Variants in PRRC1 observed in about 807,000 individuals in gnomAD.
The protein encoded by PRRC1 is protein PRRC1.
In PRRC1, 39 loss-of-function variants were observed where a neutral mutation model predicts 40.7. That is an observed-to-expected ratio of 0.96 (90% CI 0.74 to 1.25). PRRC1 has a LOEUF of 1.25. Among genes scored for constraint, PRRC1 ranks in the 50% most tolerant of loss-of-function variants. The pLI is 0.00. For synonymous variants in PRRC1, 175 were observed against 193.3 expected, an observed-to-expected ratio of 0.91 and a Z score of 0.79; for missense variants, 573 against 548.3, an observed-to-expected ratio of 1.05 and a Z score of -0.45.
At chr5:127,544,204 G>A (rs1313922199) in intron 7 of PRRC1, among the ~76,000 whole-genome samples, 2 of 152,196 alleles carry the variant, frequency 1.3e-5, no homozygotes, top group Admixed American at 6.5e-5. Context: ...CGTGAACCGC[G>A]AATGCTGCTG....
chr5:127,519,255 C>A (rs1333130655), intron 1 of PRRC1, among the ~76,000 whole-genome samples: 1 of 152,192 alleles, frequency 6.6e-6, no homozygotes. Context: ...GCATTTCTAT[C>A]TCAGGTTATT....
At chr5:127,521,523 A>G (rs1468151484) in intron 1 of PRRC1, among the ~76,000 whole-genome samples, 1 of 152,148 alleles carries the variant, frequency 6.6e-6, no homozygotes, top group East Asian at 1.9e-4. Context: ...TGTGCTCTTG[A>G]CATTGCTCCA....
At position 127,551,830 on chromosome 5, in the gene PRRC1, G is replaced by A. The variant is rs200605731; in HGVS notation, c.1252G>A (p.Gly418Arg). ...GACTGATTGGCACATGGCATTTACT[G>A]GGATGTCCCGTCGGCAGATGATCTA... is the stretch of plus-strand genomic sequence containing the variant. ...SRTDWHMAFTGMSRRQMIYSA... is the reference protein window; with the variant it reads ...SRTDWHMAFTRMSRRQMIYSA... The change falls in exon 9 of 9, where the codon GGG becomes AGG. Residue 418 changes from glycine to arginine, a missense_variant. Physicochemically the swap from Gly to Arg is moderately radical, Grantham distance 125 (BLOSUM62 -2). Coordinates refer to ENST00000296666, the MANE Select transcript of PRRC1 (RefSeq NM_130809.5). The A allele has an allele frequency of 8.2e-5, 133 of 1,613,952 alleles. No homozygotes were observed. Among genetic ancestry groups the A allele is most frequent in the Non-Finnish European group, 1.0e-4 (119 of 1,180,000 alleles).
At chr5:127,550,544 C>T (rs905616326) in intron 8 of PRRC1, 32 of 152,184 alleles carry the variant, frequency 2.1e-4, no homozygotes, top group Admixed American at 2.1e-3. Context: ...ATATAGAATA[C>T]CTTGTTTCTA....
At chr5:127,544,134 T>A (rs979839153) in intron 7 of PRRC1, among the ~76,000 whole-genome samples, 1 of 152,180 alleles carries the variant, frequency 6.6e-6, no homozygotes, top group African/African-American at 2.4e-5. Context: ...TTGCTAGAGG[T>A]CCACTCCAGA....
chr5:127,536,206 A>G (rs1477549138), intron 6 of PRRC1, among the ~76,000 whole-genome samples: 1 of 152,056 alleles, frequency 6.6e-6, no homozygotes, highest in East Asian at 1.9e-4. Flanking sequence ...ATACATTGCC[A>G]ATAAGAGTTT....
chr5:127,543,003 C>T (rs938726311), intron 7 of PRRC1, among the ~76,000 whole-genome samples: 1 of 150,730 alleles, frequency 6.6e-6, no homozygotes, highest in African/African-American at 2.4e-5. Flanking sequence ...GATTTTGCAG[C>T]AGCTGGTACC....
chr5:127,529,654 G>A (rs777118017), intron 4 of PRRC1, among the ~76,000 whole-genome samples: 5 of 152,024 alleles, frequency 3.3e-5, no homozygotes, highest in South Asian at 2.1e-4. Context: ...GTGAAGTATC[G>A]CACAAGAAGG....
Position 127,551,798 on chromosome 5 carries a change from T to G in PRRC1, c.1220T>G (p.Val407Gly). ...GTCCTGGAAAAGAGTTTACTGAATG[T>G]CAGCCGGACTGATTGGCACATGGCA... ...GEVLEKSLLN[V>G]SRTDWHMAFT... The change falls in exon 9 of 9, where the codon GTC becomes GGC. Residue 407 changes from valine (V) to glycine (G), a missense_variant. Physicochemically the swap from Val to Gly is moderately radical, Grantham distance 109. Coordinates refer to ENST00000296666, the MANE Select transcript of PRRC1 (RefSeq NM_130809.5). The G allele has an allele frequency of 6.2e-7, 1 of 1,614,118 alleles. No individual in the cohort carries two copies. The highest frequency in any genetic ancestry group is 1.1e-5 in the South Asian group (1 of 91,074).
intron 7 of PRRC1, among the ~76,000 whole-genome samples, chr5:127,541,751 T>C (rs1294779547): frequency 2.6e-5 from 4 of 151,978 alleles, no homozygotes; most frequent in African/African-American, 2.4e-5. Context: ...TGCGTCTATT[T>C]GATTCTTCTC....
intron 7 of PRRC1, among the ~76,000 whole-genome samples, chr5:127,543,706 C>G (rs968784936): frequency 6.6e-6 from 1 of 152,204 alleles, no homozygotes; most frequent in Non-Finnish European, 1.5e-5. Flanking sequence ...GTTCTCGAGC[C>G]TTGGCTTTCA....
intron 7 of PRRC1, among the ~76,000 whole-genome samples, chr5:127,545,026 C>T (rs1390881526): frequency 6.6e-6 from 1 of 152,194 alleles, no homozygotes; most frequent in Non-Finnish European, 1.5e-5. Context: ...CATCTTGGCT[C>T]CTCCCACAGT....
rs571125930 is a variant in PRRC1, at chr5:127,539,682, A to G, written c.1025+539A>G. On this transcript the variant is annotated intron_variant, in intron 7 of 8. Transcript: ENST00000296666. ...GAATAACTTCCCTTTGTTGAAATCTACCTTCTTTTGTATTTGCATTATGGT... is the reference window on the plus strand; with the variant it reads ...GAATAACTTCCCTTTGTTGAAATCTGCCTTCTTTTGTATTTGCATTATGGT... 3.3e-5 allele frequency among the ~76,000 whole-genome samples: 5 copies of G among 152,118 alleles called. No homozygotes were observed. The South Asian group carries it at 1.0e-3, about 32-fold the overall frequency.
At chr5:127,545,044 C>T (rs1768174427) in intron 7 of PRRC1, among the ~76,000 whole-genome samples, 1 of 152,196 alleles carries the variant, frequency 6.6e-6, no homozygotes, top group African/African-American at 2.4e-5. Context: ...AGTAGCTCAC[C>T]ATCACTGGCC....
rs148092347 is a variant in PRRC1, at chr5:127,519,524, T to C, written c.-21+1748T>C. Among the ~76,000 whole-genome samples the C allele has an allele frequency of 3.9e-5, 6 of 152,360 alleles. No individual in the cohort carries two copies. The East Asian group carries it at 7.7e-4, about 20-fold the overall frequency. On this transcript the variant is annotated intron_variant, in intron 1 of 8. Coordinates refer to ENST00000296666, the MANE Select transcript of PRRC1 (RefSeq NM_130809.5). The stretch of plus-strand genomic sequence containing the variant: ...CAGATAGTATCCTATTTGGCTTCTC[T>C]GCAGCATTAATACTGTTGCCCATTC...
intron 7 of PRRC1, among the ~76,000 whole-genome samples, chr5:127,542,969 T>C (rs577843500): frequency 4.6e-5 from 7 of 151,968 alleles, no homozygotes; most frequent in Non-Finnish European, 8.8e-5. Flanking sequence ...CTTCCTAGTT[T>C]TGATGGTCTT....
intron 1 of PRRC1, among the ~76,000 whole-genome samples, chr5:127,522,678 A>G (rs1767490599): frequency 6.6e-6 from 1 of 151,788 alleles, no homozygotes; most frequent in African/African-American, 2.4e-5. Context: ...GCGGTCAGCC[A>G]CTGTGCCTGG....
chr5:127,544,968 T>C (rs536269386), intron 7 of PRRC1, among the ~76,000 whole-genome samples: 1 of 152,354 alleles, frequency 6.6e-6, no homozygotes, highest in African/African-American at 2.4e-5. Context: ...ACCCGTCTTC[T>C]GCGTCGCTCA....
chr5:127,549,125 G>A (rs1404774402), intron 8 of PRRC1: 1 of 149,970 alleles, frequency 6.7e-6, no homozygotes, highest in Non-Finnish European at 1.5e-5. Flanking sequence ...CAGCTTAATT[G>A]AAGCATTAAA....
Sources: allele counts gnomAD v4.1 joint callset (sites outside exome capture counted in the v4.1 genomes callset), GRCh38; gene constraint gnomAD v4.1.1; transcripts MANE v1.5; gene names NCBI Gene and HGNC (gene_info 2026-07-23, HGNC 2026-07-21).